ARID1A: variants seen among roughly 807,000 people sequenced by gnomAD.
The protein encoded by ARID1A is AT-rich interactive domain-containing protein 1A.
A neutral mutation model predicts 212.6 loss-of-function variants in ARID1A; 20 were observed. The observed-to-expected ratio is 0.09, with a 90% confidence interval of 0.07 to 0.14. ARID1A has a LOEUF of 0.14. Among genes scored for constraint, ARID1A ranks in the 10% least tolerant of loss-of-function variants. The pLI is 1.00. For synonymous variants in ARID1A, 1,376 were observed against 1,222.1 expected (o/e 1.13, Z -2.63); for missense variants, 2,587 against 3,059.0 (o/e 0.85, Z 3.64).
intron 4 of ARID1A, among the ~76,000 whole-genome samples, chr1:26,760,630 G>A (rs1285540643): frequency 3.3e-5 from 5 of 151,876 alleles, no homozygotes; most frequent in East Asian, 1.9e-4. Flanking sequence ...CAGAGGTTGC[G>A]ATGAGCCGAG....
intron 1 of ARID1A, among the ~76,000 whole-genome samples, chr1:26,702,262 A>G (rs769491459): frequency 2.8e-4 from 43 of 152,338 alleles, no homozygotes; most frequent in Middle Eastern, 6.8e-3. Flanking sequence ...TCTCATCGCT[A>G]TGGTTTAAAA....
intron 4 of ARID1A, among the ~76,000 whole-genome samples, chr1:26,743,399 T>A (rs1203684151): frequency 2.6e-5 from 4 of 152,206 alleles, no homozygotes; most frequent in Non-Finnish European, 5.9e-5. Context: ...TCTGTCATGT[T>A]GTGCCCAGAA....
intron 4 of ARID1A, among the ~76,000 whole-genome samples, chr1:26,749,145 A>C (rs2080863182): frequency 6.6e-6 from 1 of 152,118 alleles, no homozygotes; most frequent in Non-Finnish European, 1.5e-5. Flanking sequence ...AGCCTCGGTG[A>C]CAGAGCGAGA....
In ARID1A at chr1:26,696,175, C is replaced by CA; in HGVS notation, c.-229_-228insA. The CA allele has an allele frequency of 1.8e-6, 1 of 563,586 alleles. No homozygotes were observed. The highest frequency in any genetic ancestry group is 2.5e-6 in the Non-Finnish European group (1 of 406,316). The allele number at this position is 563,586 out of a possible 1,614,324, so 34.9% of individuals were successfully genotyped here. A position where few individuals can be genotyped will look rare whatever the true frequency, so the allele number is the denominator to read the frequency against. On this transcript the variant is annotated 5_prime_UTR_variant, in exon 1 of 20. An upstream open reading frame in the 5' UTR loses its in-frame stop. Transcript: ENST00000324856. The stretch of plus-strand genomic sequence containing the variant: ...GAGCCGGGAGCAGCTGAGCCGCCGG[C>CA]GCCTCGGCCGCCGCCGCCGCCTCCT...
intron 1 of ARID1A, among the ~76,000 whole-genome samples, chr1:26,722,112 T>C (rs2080570800): frequency 6.6e-6 from 1 of 152,162 alleles, no homozygotes; most frequent in African/African-American, 2.4e-5. Context: ...TTCCTGGAGG[T>C]TTGATCAGGC....
chr1:26,703,819 A>G (rs978308317), intron 1 of ARID1A, among the ~76,000 whole-genome samples: 1 of 152,200 alleles, frequency 6.6e-6, no homozygotes, highest in African/African-American at 2.4e-5. Flanking sequence ...GGTAGAAACA[A>G]TATCTCCTTC....
At position 26,773,430 on chromosome 1, in the gene ARID1A, G is replaced by C. The variant is rs2124111032; in HGVS notation, c.3800G>C (p.Gly1267Ala). 6.2e-7 allele frequency: 1 copy of C among 1,613,734 alleles called. No homozygotes were observed. Among genetic ancestry groups the C allele is most frequent in the Non-Finnish European group, 8.5e-7 (1 of 1,179,836 alleles). Residue 1267 changes from glycine (G) to alanine (A), a missense_variant, in exon 15 of 20, where the codon GGG (glycine) becomes GCG (alanine). Around this residue, in one of 11 missense-constraint regions of ARID1A, gnomAD observed 890 missense variants for 1,098.2 expected, o/e 0.81. Transcript: ENST00000324856. The part of the protein sequence containing the change: ...GDPYSRAAGP[G>A]LGNVAMGPRQ... Reference sequence around the variant, plus strand: ...CCCTACAGTCGTGCTGCCGGCCCTGGGCTAGGAAATGTGGCGATGGGACCA... The same window carrying C: ...CCCTACAGTCGTGCTGCCGGCCCTGCGCTAGGAAATGTGGCGATGGGACCA...
rs1040553727 is a variant in ARID1A at position 26,781,607 on chromosome 1, G to A, written c.*851G>A. On this transcript the variant is annotated 3_prime_UTR_variant, in exon 20 of 20. Coordinates refer to ENST00000324856, the MANE Select transcript of ARID1A (RefSeq NM_006015.6). ...TTAGCTGCAGCGGCTACGCTGCCAC[G>A]TGTGTATATATATGACGTTGTACAT... The A allele has an allele frequency of 2.1e-5, 5 of 233,538 alleles. No individual in the cohort carries two copies. The highest frequency in any genetic ancestry group is 3.4e-5 in the Non-Finnish European group (4 of 118,036). 14.5% of individuals were successfully genotyped at this position (233,538 alleles called of 1,614,324 possible). A position where few individuals can be genotyped will look rare whatever the true frequency, so the allele number is the denominator to read the frequency against.
At position 26,697,071 on chromosome 1, in the gene ARID1A, C is replaced by T. The variant is rs1398617795; in HGVS notation, c.668C>T (p.Pro223Leu). Residue 223 changes from proline (P) to leucine (L), a missense_variant, in exon 1 of 20, where the codon CCC becomes CTC. This residue lies in a region of ARID1A where 735 missense variants were observed against 590.6 expected (regional missense o/e 1.24). Transcript: ENST00000324856. ...TACTACCCCAACCGCAGCGCCTACC[C>T]CCCGCCCGCCCCGGCCTACGCGCTG... ...NSYYPNRSAY[P>L]PPAPAYALSS... 1.3e-6 allele frequency: 2 copies of T among 1,501,910 alleles called. No homozygotes were observed. The highest frequency in any genetic ancestry group is 8.8e-7 in the Non-Finnish European group (1 of 1,130,270). The allele number at this position is 1,501,910 out of a possible 1,614,324, so 93.0% of individuals were successfully genotyped here.
chr1:26,714,808 T>A (rs1206820264), intron 1 of ARID1A, among the ~76,000 whole-genome samples: 1 of 152,344 alleles, frequency 6.6e-6, no homozygotes, highest in East Asian at 1.9e-4. Flanking sequence ...GGGGACCTAG[T>A]GAAAGACTGG....
Position 26,696,769 on chromosome 1 carries a change from C to CGGCGGCGGT in ARID1A, c.373_381dup (p.Gly125_Gly127dup). The CGGCGGCGGT allele has an allele frequency of 7.4e-7, 1 of 1,346,330 alleles. No individual in the cohort carries two copies. Among genetic ancestry groups the CGGCGGCGGT allele is most frequent in the South Asian group, 2.0e-5 (1 of 50,174 alleles). The allele number at this position is 1,346,330 out of a possible 1,614,324, so 83.4% of individuals were successfully genotyped here. ...ACAATAACCTCACGGAGCCGCCCGG[C>CGGCGGCGGT]GGCGGCGGTGGCGGCAGCAGCGATG... On this transcript the variant is annotated inframe_insertion, in exon 1 of 20. Coordinates refer to ENST00000324856, the MANE Select transcript of ARID1A (RefSeq NM_006015.6).
Position 26,779,235 on chromosome 1 carries a change from G to A in ARID1A, c.5337G>A (p.Glu1779=), listed in dbSNP as rs746176866. The A allele has an allele frequency of 2.0e-5, 32 of 1,613,988 alleles. No individual in the cohort carries two copies. Among genetic ancestry groups the A allele is most frequent in the Non-Finnish European group, 2.6e-5 (31 of 1,179,986 alleles). Residue 1779 remains glutamate (E), a synonymous_variant, in exon 20 of 20, where the codon GAG becomes GAA. Transcript: ENST00000324856. ...LGPKLEEEEE[E]EVVENDEEIA... ...CTAAACTAGAAGAGGAAGAAGAAGA[G>A]GAAGTAGTTGAAAATGATGAGGAGA...
chr1:26,735,189 G>A (rs532664288), intron 4 of ARID1A, among the ~76,000 whole-genome samples: 26 of 150,226 alleles, frequency 1.7e-4, no homozygotes, highest in South Asian at 8.4e-4. Context: ...GCAATGGCAC[G>A]ATCTTGGTTC....
rs2080248058 is a variant in ARID1A, at chr1:26,696,176, G to T, written c.-228G>T. On this transcript the variant is annotated 5_prime_UTR_variant, in exon 1 of 20. Transcript: ENST00000324856. Reference sequence around the variant, plus strand: ...AGCCGGGAGCAGCTGAGCCGCCGGCGCCTCGGCCGCCGCCGCCGCCTCCTC... The same window carrying T: ...AGCCGGGAGCAGCTGAGCCGCCGGCTCCTCGGCCGCCGCCGCCGCCTCCTC... The T allele has an allele frequency of 1.7e-6, 1 of 573,892 alleles. No homozygotes were observed. The highest frequency in any genetic ancestry group is 2.4e-6 in the Non-Finnish European group (1 of 415,760). 35.5% of individuals were successfully genotyped at this position (573,892 alleles called of 1,614,324 possible). A position where few individuals can be genotyped will look rare whatever the true frequency, so the allele number is the denominator to read the frequency against.
chr1:26,739,961 C>T (rs1361245280), intron 4 of ARID1A, among the ~76,000 whole-genome samples: 26 of 149,918 alleles, frequency 1.7e-4, no homozygotes, highest in Non-Finnish European at 5.9e-5. Flanking sequence ...CAAGTCTGTC[C>T]TCAGCATAAT....
At chr1:26,714,940 T>C (rs1430965891) in intron 1 of ARID1A, among the ~76,000 whole-genome samples, 1 of 152,202 alleles carries the variant, frequency 6.6e-6, no homozygotes, top group Non-Finnish European at 1.5e-5. Context: ...ACAAGCATGA[T>C]GACAAACAGA....
In ARID1A at chr1:26,780,123, A is replaced by G. The variant is rs763137314; in HGVS notation, c.6225A>G (p.Pro2075=). ...ANISGQLDLS[P]YPESICLPVL... is the part of the protein sequence containing the mutation. ...TCTCGGGGCAGTTGGACCTATCTCC[A>G]TACCCCGAGAGCATTTGCCTGCCTG... Residue 2075 remains proline (P), a synonymous_variant, in exon 20 of 20, where the codon CCA becomes CCG. Coordinates refer to ENST00000324856, the MANE Select transcript of ARID1A (RefSeq NM_006015.6). The surrounding 1 kb of genome is among the most constrained non-coding windows in gnomAD (Gnocchi z 7.2). The G allele has an allele frequency of 7.4e-6, 12 of 1,614,032 alleles. No homozygotes were observed. The highest frequency in any genetic ancestry group is 2.2e-5 in the South Asian group (2 of 91,080).
chr1:26,715,786 T>C lies in ARID1A; in HGVS notation c.1138-13865T>C, dbSNP rs539341715. ...TACTGCAGAGGCTGAGGCAGGAAGA[T>C]CACATGAGCCCTGGAGTTCCAGGCC... On this transcript the variant is annotated intron_variant, in intron 1 of 19. Coordinates refer to ENST00000324856, the MANE Select transcript of ARID1A (RefSeq NM_006015.6). Among the ~76,000 whole-genome samples, 4 of 151,952 alleles carry C rather than the reference T, an allele frequency of 2.6e-5. No homozygotes were observed. In the South Asian group the frequency reaches 8.3e-4, roughly 32 times the overall value.
chr1:26,699,058 T>C (rs1020100868), intron 1 of ARID1A, among the ~76,000 whole-genome samples: 12 of 152,176 alleles, frequency 7.9e-5, no homozygotes, highest in African/African-American at 2.9e-4. Flanking sequence ...TTTGGTGAAA[T>C]TGTTTTTTTC....
Sources: gnomAD v4.1 joint callset for allele counts (sites outside exome capture counted in the v4.1 genomes callset) on GRCh38, gnomAD v4.1.1 for gene constraint, gnomAD v4.1.1 regional missense constraint, Gnocchi (gnomAD v3.1) non-coding constraint, MANE v1.5 for transcripts, NCBI Gene and HGNC (gene_info 2026-07-23, HGNC 2026-07-21) for gene names.